DYDC2: variants seen among roughly 807,000 people sequenced by gnomAD.
DYDC2 encodes DPY30 domain containing 2.
In DYDC2, 19 loss-of-function variants were observed where a neutral mutation model predicts 18.7. The observed-to-expected ratio is 1.02, with a 90% CI of 0.71 to 1.49. DYDC2 has a LOEUF of 1.49. Ranked by LOEUF, DYDC2 falls within the 40% of genes most tolerant of loss-of-function variation. The pLI is 0.00. For synonymous variants in DYDC2, 63 were observed against 67.6 expected (o/e 0.93, Z 0.34); for missense variants, 179 against 205.1 (o/e 0.87, Z 0.78).
intron 2 of DYDC2, among the ~76,000 whole-genome samples, chr10:80,358,538 G>A (rs1241560218): frequency 6.6e-6 from 1 of 152,190 alleles, no homozygotes; most frequent in Non-Finnish European, 1.5e-5. Context: ...AGAGTAGGGG[G>A]AGGTATGCCA....
At chr10:80,362,286 G>A (rs899785418) in intron 2 of DYDC2, 149 bp from the exon 3 acceptor site, 18 of 1,145,008 alleles carry the variant, frequency 1.6e-5, no homozygotes, top group Non-Finnish European at 1.7e-5. Context: ...ATAACAGCAA[G>A]TAAGTGTTTG....
Position 80,350,233 on chromosome 10 carries a change from C to T in DYDC2, c.-310+5418C>T, listed in dbSNP as rs138082829. The stretch of plus-strand genomic sequence containing the variant: ...CAGTGGATTAGTTCATACCGGTCAA[C>T]ATAATATGGCTAGAGAAACTTGTTA... On this transcript the variant is annotated intron_variant, in intron 1 of 4. Coordinates refer to the DYDC2 transcript ENST00000372197. Among the ~76,000 whole-genome samples, 1,152 of 152,304 alleles carry T rather than the reference C, an allele frequency of 7.6e-3. 5 individuals carry two copies. The highest frequency in any genetic ancestry group is 0.013 in the Non-Finnish European group (856 of 68,026).
intron 3 of DYDC2, 33 bp downstream of exon 3, chr10:80,362,623 C>T (rs770069648): frequency 1.3e-6 from 2 of 1,563,194 alleles, no homozygotes; most frequent in Non-Finnish European, 1.7e-6. Context: ...AGGGAGGGCC[C>T]AGCTTTCCCA....
At chr10:80,354,856 A>G (rs1843258703), upstream of DYDC2, among the ~76,000 whole-genome samples, 1 of 152,208 alleles carries the variant, frequency 6.6e-6, no homozygotes, top group Non-Finnish European at 1.5e-5. Context: ...ATAAATGTGT[A>G]TTGTTTTTAA....
chr10:80,361,098 A>G (rs1382995117), intron 2 of DYDC2, among the ~76,000 whole-genome samples: 1 of 151,948 alleles, frequency 6.6e-6, no homozygotes, highest in South Asian at 2.1e-4. Context: ...GTCCAGGCCC[A>G]ATCTAGGATC....
chr10:80,365,792 T>C (rs1482947276), intron 4 of DYDC2, among the ~76,000 whole-genome samples: 1 of 152,236 alleles, frequency 6.6e-6, no homozygotes, highest in Non-Finnish European at 1.5e-5. Flanking sequence ...CCATTTCTTC[T>C]GCAATGCCCT....
chr10:80,352,738 G>T, upstream of DYDC2: 1 of 1,173,828 alleles, frequency 8.5e-7, no homozygotes. Context: ...TCCCATTGGG[G>T]GTGTCACAAG....
At chr10:80,356,445 C>G, upstream of DYDC2, 2 of 985,326 alleles carry the variant, frequency 2.0e-6, no homozygotes, top group Non-Finnish European at 2.4e-6. Flanking sequence ...CTGGCAACCT[C>G]CCGGGGCGCT....
intron 1 of DYDC2, among the ~76,000 whole-genome samples, chr10:80,351,252 A>G (rs1842955816): frequency 6.6e-6 from 1 of 152,090 alleles, no homozygotes; most frequent in Non-Finnish European, 1.5e-5. Flanking sequence ...CTTTCCCTTG[A>G]TTATAATCAA....
At chr10:80,348,458 T>C (rs915452290) in intron 1 of DYDC2, among the ~76,000 whole-genome samples, 32 of 152,238 alleles carry the variant, frequency 2.1e-4, no homozygotes, top group African/African-American at 4.8e-5. Context: ...ACAGCTCATG[T>C]TGTTTGAATC....
intron 2 of DYDC2, among the ~76,000 whole-genome samples, chr10:80,358,402 C>T (rs1358821208): frequency 1.3e-5 from 2 of 152,106 alleles, no homozygotes; most frequent in Admixed American, 6.5e-5. Flanking sequence ...AAAGGCATCC[C>T]CTTGACTCCT....
intron 4 of DYDC2, among the ~76,000 whole-genome samples, chr10:80,363,580 C>T (rs1265386049): frequency 1.3e-5 from 2 of 150,732 alleles, no homozygotes; most frequent in Non-Finnish European, 2.9e-5. Context: ...GATCTCCTGA[C>T]CTCATGATCT....
chr10:80,355,679 G>C (rs1011061014), upstream of DYDC2, among the ~76,000 whole-genome samples: 1 of 152,084 alleles, frequency 6.6e-6, no homozygotes, highest in Non-Finnish European at 1.5e-5. Context: ...CTAAGACACA[G>C]AATAAAGAAA....
intron 4 of DYDC2, among the ~76,000 whole-genome samples, chr10:80,365,721 G>GT (rs1421943671): frequency 1.3e-5 from 2 of 152,054 alleles, no homozygotes; most frequent in African/African-American, 4.8e-5. Context: ...AAGCTTGTTT[G>GT]TTTTTTTCCT....
At chr10:80,357,786 A>T in intron 1 of DYDC2, 107 bp from the exon 2 acceptor site, 1 of 985,492 alleles carries the variant, frequency 1.0e-6, no homozygotes, top group Non-Finnish European at 1.2e-6. Flanking sequence ...GCCTTAATAG[A>T]TGTTAGTTGA....
chr10:80,351,736 T>C (rs1434406663), intron 1 of DYDC2, among the ~76,000 whole-genome samples: 8 of 152,238 alleles, frequency 5.3e-5, no homozygotes, highest in African/African-American at 1.7e-4. Context: ...AACTCATGGC[T>C]GCTGCTTCTC....
chr10:80,355,390 G>C (rs937343432), upstream of DYDC2, among the ~76,000 whole-genome samples: 1 of 151,896 alleles, frequency 6.6e-6, no homozygotes, highest in African/African-American at 2.4e-5. Flanking sequence ...GTGGTGGGAG[G>C]GCAAAATGGT....
Position 80,362,974 on chromosome 10 carries a change from G to C in DYDC2, c.171G>C (p.Leu57=). Residue 57 remains leucine (L), a synonymous_variant, in exon 4 of 5, where the codon CTG becomes CTC. Coordinates refer to ENST00000256039, the MANE Select transcript of DYDC2 (RefSeq NM_032372.6). ...KEENREKKIH[L]QEEYDSSLKE... is the part of the protein sequence containing the mutation. ...AGAATAGGGAAAAGAAGATCCACCT[G>C]CAGGAGGAATATGACAGTAGCCTCA... The C allele has an allele frequency of 6.2e-7, 1 of 1,613,824 alleles. No homozygotes were observed. Among genetic ancestry groups the C allele is most frequent in the Non-Finnish European group, 8.5e-7 (1 of 1,179,940 alleles).
In DYDC2 at chr10:80,363,336, G is replaced by GT. The variant is rs3038629; in HGVS notation, c.270+289dup. Among the ~76,000 whole-genome samples, 265 of 81,640 alleles carry GT rather than the reference G, an allele frequency of 3.2e-3. 14 individuals carry two copies. Among genetic ancestry groups the GT allele is most frequent in the Non-Finnish European group, 4.5e-3 (206 of 46,286 alleles). The allele number at this position is 81,640 out of a possible 152,430, so 53.6% of individuals were successfully genotyped here. ...GTGTTACTGGTTTTAAAAAAAATCTGTTTTTTTTTTTTTTTTTTTTTTTTT... is the reference window on the plus strand; with the variant it reads ...GTGTTACTGGTTTTAAAAAAAATCTGTTTTTTTTTTTTTTTTTTTTTTTTTT... On this transcript the variant is annotated intron_variant, in intron 4 of 4. Coordinates refer to ENST00000256039, the MANE Select transcript of DYDC2 (RefSeq NM_032372.6).
Sources: allele counts gnomAD v4.1 joint callset (sites outside exome capture counted in the v4.1 genomes callset), GRCh38; gene constraint gnomAD v4.1.1; transcripts MANE v1.5; gene names NCBI Gene and HGNC (gene_info 2026-07-23, HGNC 2026-07-21).